SAMD9L: variants seen among roughly 807,000 people sequenced by gnomAD.
SAMD9L encodes sterile alpha motif domain containing 9 like, also known as sterile alpha motif domain-containing protein 9-like.
Under a neutral mutation model 90.7 loss-of-function variants are expected in SAMD9L, and 68 were observed. The observed-to-expected ratio is 0.75, with a 90% CI of 0.62 to 0.92. The LOEUF (loss-of-function observed/expected upper bound fraction) is 0.92. Ranked by LOEUF, SAMD9L falls within the 40% of genes least tolerant of loss-of-function variation. The pLI, the probability that SAMD9L is intolerant of heterozygous loss-of-function variation, is 0.00. For missense variants in SAMD9L, 1,604 were observed against 1,824.3 expected (o/e 0.88, Z 2.20); for synonymous variants, 640 against 630.1 (o/e 1.02, Z -0.23).
intron 4 of SAMD9L, among the ~76,000 whole-genome samples, chr7:93,136,984 T>C (rs111682762): frequency 0.012 from 1,804 of 152,182 alleles, 34 homozygotes; most frequent in African/African-American, 0.042. Context: ...GAAATGTAAA[T>C]TCTCAGGCCC....
At chr7:93,138,610 CT>C (rs1368925745) in intron 4 of SAMD9L, among the ~76,000 whole-genome samples, 1 of 152,142 alleles carries the variant, frequency 6.6e-6, no homozygotes, top group Non-Finnish European at 1.5e-5. Flanking sequence ...GGGAGAAAGC[CT>C]GGGGGACAGA....
rs958593027 is a variant in SAMD9L at position 93,131,109 on chromosome 7, T to C, written c.*108A>G. ...TTCAGGGAGGCAAAAGCAAAATCTG[T>C]AATTAGAGGTTAGCCATAATGTTAT... On this transcript the variant is annotated 3_prime_UTR_variant, in exon 5 of 5. Transcript: ENST00000318238. The C allele has an allele frequency of 8.4e-5, 58 of 686,946 alleles. No homozygotes were observed. The highest frequency in any genetic ancestry group is 8.8e-6 in the Non-Finnish European group (4 of 455,992). The allele number at this position is 686,946 out of a possible 1,614,324, so 42.6% of individuals were successfully genotyped here.
Position 93,133,551 on chromosome 7 carries a change from T to G in SAMD9L, c.2421A>C (p.Glu807Asp), listed in dbSNP as rs1176751770. Residue 807 changes from glutamate to aspartate, a missense_variant, in exon 5 of 5, where the codon GAA becomes GAC. This residue lies in a region of SAMD9L where 606 missense variants were observed against 717.6 expected (regional missense o/e 0.84). Transcript: ENST00000318238. ...PVLLLVDDFE[E>D]QENVYFLQNA... is the part of the protein sequence containing the mutation. ...TTTGTAGAAAGTAGACATTTTCTTG[T>G]TCTTCAAAATCATCCACAAGGAGAA... is the stretch of plus-strand genomic sequence containing the variant. 3 of 1,613,692 alleles carry G rather than the reference T, an allele frequency of 1.9e-6. No individual in the cohort carries two copies. The highest frequency in any genetic ancestry group is 2.5e-6 in the Non-Finnish European group (3 of 1,179,846).
rs777243012 is a variant in SAMD9L at position 93,133,890 on chromosome 7, G to A, written c.2082C>T (p.Ser694=). Residue 694 remains serine, a synonymous_variant, in exon 5 of 5, where the codon TCC becomes TCT. Transcript: ENST00000318238. ...CAGAAGAAAAATAGAAGTTCCACCA[G>A]GATACTTTGCCACCTCGATAAAAGT... The part of the protein sequence containing the change: ...EEHFYRGGKV[S]WWNFYFSSEN... 3.7e-6 allele frequency: 6 copies of A among 1,613,686 alleles called. No homozygotes were observed. The South Asian group carries it at 6.6e-5, about 18-fold the overall frequency.
At position 93,132,234 on chromosome 7, in the gene SAMD9L, A is replaced by C. The variant is rs1217947422; in HGVS notation, c.3738T>G (p.Cys1246Trp). 32 of 1,613,730 alleles carry C rather than the reference A, an allele frequency of 2.0e-5. No individual in the cohort carries two copies. The highest frequency in any genetic ancestry group is 2.6e-5 in the Non-Finnish European group (31 of 1,179,894). ...WTIPPDPRNE[C>W]YLALSKFTSH... ...ATGTGAACTTGCTAAGAGCCAAATA[A>C]CATTCATTTCTGGGATCAGGAGGAA... Residue 1246 changes from cysteine (C) to tryptophan (W), a missense_variant, in exon 5 of 5, where the codon TGT (cysteine) becomes TGG (tryptophan). Around this residue, in one of 7 missense-constraint regions of SAMD9L, gnomAD observed 302 missense variants for 314.7 expected, o/e 0.96. Transcript: ENST00000318238.
rs757031410 is a variant in SAMD9L at position 93,133,512 on chromosome 7, G to A, written c.2460C>T (p.Ser820=). 3 of 1,612,992 alleles carry A rather than the reference G, an allele frequency of 1.9e-6. No individual in the cohort carries two copies. The highest frequency in any genetic ancestry group is 1.7e-5 in the Admixed American group (1 of 59,868). The change falls in exon 5 of 5, where the codon TCC becomes TCT. Residue 820 remains serine (S), a synonymous_variant. Coordinates refer to ENST00000318238, the MANE Select transcript of SAMD9L (RefSeq NM_152703.5). The part of the protein sequence containing the change: ...NVYFLQNAIH[S]VLAEKDLRYE... ...ATCGCAAATCCTTTTCTGCTAAAAC[G>A]GAATGGATGGCATTTTGTAGAAAGT...
At chr7:93,147,481 T>C (rs1212246719) in intron 1 of SAMD9L, among the ~76,000 whole-genome samples, 1 of 152,166 alleles carries the variant, frequency 6.6e-6, no homozygotes, top group Non-Finnish European at 1.5e-5. Context: ...GCCCACCCCA[T>C]CTTTGAGAGA....
rs1248179661 is a variant in SAMD9L, at chr7:93,135,311, C to T, written c.661G>A (p.Val221Ile). Residue 221 changes from valine (V) to isoleucine (I), a missense_variant, in exon 5 of 5, where the codon GTC becomes ATC. Val to Ile is a conservative substitution (Grantham distance 29, BLOSUM62 3). This residue lies in a region of SAMD9L where 374 missense variants were observed against 363.6 expected (regional missense o/e 1.03). Transcript: ENST00000318238. ...ATACAAGCTGATGCAAATCGGAAGA[C>T]TTCATTGCTGAATTTCATCTTAATG... ...VDIKMKFSNE[V>I]FRFASACMNS... 2 of 1,614,114 alleles carry T rather than the reference C, an allele frequency of 1.2e-6. No individual in the cohort carries two copies. Among genetic ancestry groups the T allele is most frequent in the African/African-American group, 1.3e-5 (1 of 75,042 alleles).
At chr7:93,139,051 A>G (rs1792574392) in intron 4 of SAMD9L, among the ~76,000 whole-genome samples, 1 of 152,128 alleles carries the variant, frequency 6.6e-6, no homozygotes, top group African/African-American at 2.4e-5. Context: ...CTTTTTATAT[A>G]TTTTATACAG....
intron 4 of SAMD9L, among the ~76,000 whole-genome samples, chr7:93,144,239 T>G (rs1241519616): frequency 6.6e-6 from 1 of 152,214 alleles, no homozygotes; most frequent in East Asian, 1.9e-4. Context: ...TGGGATAATT[T>G]TGAAACACAG....
rs1488570667 is a variant in SAMD9L at position 93,132,190 on chromosome 7, T to A, written c.3782A>T (p.Gln1261Leu). 6.2e-7 allele frequency: 1 copy of A among 1,613,592 alleles called. No homozygotes were observed. The highest frequency in any genetic ancestry group is 8.5e-7 in the Non-Finnish European group (1 of 1,179,856). The change falls in exon 5 of 5, where the codon CAA (glutamine) becomes CTA (leucine). Residue 1261 changes from glutamine (Q) to leucine (L), a missense_variant. Transcript: ENST00000318238. ...GTCAAAGCACCTTTTCAGATCTGAT[T>A]GTAAATTTTTTAGGTGGGATGTGAA... ...SKFTSHLKNL[Q>L]SDLKRCFDFF...
chr7:93,146,287 C>G (rs1171996876), intron 2 of SAMD9L, among the ~76,000 whole-genome samples: 4 of 152,198 alleles, frequency 2.6e-5, no homozygotes, highest in Admixed American at 6.5e-5. Context: ...AGGGCTCACT[C>G]TTTCACTTTG....
Position 93,134,586 on chromosome 7 carries a change from A to G in SAMD9L, c.1386T>C (p.Ser462=). Residue 462 remains serine (S), a synonymous_variant, in exon 5 of 5, where the codon AGT becomes AGC. Coordinates refer to ENST00000318238, the MANE Select transcript of SAMD9L (RefSeq NM_152703.5). ...TTGGAAAGTGAAGGTTTGCCACCCG[A>G]CTTTCTTTGTAAGCTTTGACCACTC... ...INGVVKAYKE[S]RVANLHFPNQ... is the part of the protein sequence containing the mutation. 1 of 1,613,976 alleles carries G rather than the reference A, an allele frequency of 6.2e-7. No homozygotes were observed. Among genetic ancestry groups the G allele is most frequent in the Non-Finnish European group, 8.5e-7 (1 of 1,179,910 alleles).
intron 4 of SAMD9L, among the ~76,000 whole-genome samples, chr7:93,138,195 C>T (rs891988819): frequency 1.3e-5 from 2 of 152,074 alleles, no homozygotes; most frequent in African/African-American, 4.8e-5. Context: ...GTAGTGTAGA[C>T]AGAAGTCACT....
chr7:93,131,072 G>A lies in SAMD9L; in HGVS notation c.*145C>T, dbSNP rs1162290030. Reference sequence around the variant, plus strand: ...TAGGCATATTTCATATCTTAAAAAGGCTTGTAATTCATTCAGGGAGGCAAA... The same window carrying A: ...TAGGCATATTTCATATCTTAAAAAGACTTGTAATTCATTCAGGGAGGCAAA... On this transcript the variant is annotated 3_prime_UTR_variant, in exon 5 of 5. Transcript: ENST00000318238. The A allele has an allele frequency of 1.9e-6, 1 of 530,338 alleles. No homozygotes were observed. The highest frequency in any genetic ancestry group is 3.1e-5 in the East Asian group (1 of 32,462). The allele number at this position is 530,338 out of a possible 1,614,324, so 32.9% of individuals were successfully genotyped here.
In SAMD9L at chr7:93,132,285, C is replaced by T. The variant is rs774463519; in HGVS notation, c.3687G>A (p.Val1229=). ...KENELSKKHM[V]QFLSGKWTIP... is the part of the protein sequence containing the mutation. The stretch of plus-strand genomic sequence containing the variant: ...TGGTCCACTTTCCTGATAAAAATTG[C>T]ACCATATGTTTTTTGGATAATTCAT... Residue 1229 remains valine (V), a synonymous_variant, in exon 5 of 5, where the codon GTG becomes GTA. Transcript: ENST00000318238. 9 of 1,613,666 alleles carry T rather than the reference C, an allele frequency of 5.6e-6. No homozygotes were observed. The Admixed American group carries it at 1.0e-4, about 18-fold the overall frequency.
chr7:93,132,080 G>A lies in SAMD9L; in HGVS notation c.3892C>T (p.Arg1298Cys), dbSNP rs368520824. 44 of 1,613,520 alleles carry A rather than the reference G, an allele frequency of 2.7e-5. No individual in the cohort carries two copies. Among genetic ancestry groups the A allele is most frequent in the Non-Finnish European group, 3.4e-5 (40 of 1,179,828 alleles). Residue 1298 changes from arginine (R) to cysteine (C), a missense_variant, in exon 5 of 5, where the codon CGT (arginine) becomes TGT (cysteine). Transcript: ENST00000318238. ...AEIMLSKKVS[R>C]CFRKYTELFC... ...AGTTCTGTGTATTTCCTGAAACAAC[G>A]ACTGACTTTCTTGCTTAACATGATT...
In SAMD9L at chr7:93,134,492, T is replaced by A. The variant is rs1286412040; in HGVS notation, c.1480A>T (p.Ser494Cys). 6.2e-7 allele frequency: 1 copy of A among 1,613,912 alleles called. No homozygotes were observed. The highest frequency in any genetic ancestry group is 1.3e-5 in the African/African-American group (1 of 74,904). ...GATCTGCCGTTGCAGAAAATCCAGCTGGGCTGTTGGTAAAGATTAAGAGTA... is the reference window on the plus strand; with the variant it reads ...GATCTGCCGTTGCAGAAAATCCAGCAGGGCTGTTGGTAAAGATTAAGAGTA... Reference protein sequence around the residue: ...ISTLNLYQQPSWIFCNGRSDL... With the variant: ...ISTLNLYQQPCWIFCNGRSDL... The change falls in exon 5 of 5, where the codon AGC (serine) becomes TGC (cysteine). Residue 494 changes from serine (S) to cysteine (C), a missense_variant. Physicochemically the swap from Ser to Cys is moderately radical, Grantham distance 112. This residue lies in a region of SAMD9L where 606 missense variants were observed against 717.6 expected (regional missense o/e 0.84). Transcript: ENST00000318238.
chr7:93,140,674 T>A (rs1189331033), intron 4 of SAMD9L, among the ~76,000 whole-genome samples: 1 of 152,232 alleles, frequency 6.6e-6, no homozygotes, highest in Non-Finnish European at 1.5e-5. Flanking sequence ...CATCTACCCA[T>A]CAACCTGCGT....
Sources: gnomAD v4.1 joint callset for allele counts (sites outside exome capture counted in the v4.1 genomes callset) on GRCh38, gnomAD v4.1.1 for gene constraint, gnomAD v4.1.1 regional missense constraint, MANE v1.5 for transcripts, NCBI Gene and HGNC (gene_info 2026-07-23, HGNC 2026-07-21) for gene names.